The following ADAMTS17 variants were observed in gnomAD, a reference collection of about 807,000 sequenced individuals.
ADAMTS17 encodes ADAM metallopeptidase with thrombospondin type 1 motif 17.
A neutral mutation model predicts 141.5 loss-of-function variants in ADAMTS17; 113 were observed. The observed-to-expected ratio is 0.80, with a 90% CI of 0.69 to 0.93. ADAMTS17 has a LOEUF of 0.93. Among genes scored for constraint, ADAMTS17 ranks in the 40% least tolerant of loss-of-function variants. The pLI is 0.00. For synonymous variants in ADAMTS17, 768 were observed against 630.6 expected (o/e 1.22, Z -3.27); for missense variants, 1,659 against 1,517.9 (o/e 1.09, Z -1.54).
chr15:100,341,277 G>A lies in ADAMTS17; in HGVS notation c.212C>T (p.Ala71Val). Reference protein sequence around the residue: ...RRRRPRTPPAAPRARPGERAL... With the variant: ...RRRRPRTPPAVPRARPGERAL... ...GCGCTCTCCGGGCCGGGCGCGCGGG[G>A]CGGCTGGGGGCGTGCGGGGGCGTCG... Residue 71 changes from alanine (A) to valine (V), a missense_variant, in exon 2 of 22, where the codon GCC becomes GTC. Transcript: ENST00000268070. 2 of 1,177,574 alleles carry A rather than the reference G, an allele frequency of 1.7e-6. No homozygotes were observed. Among genetic ancestry groups the A allele is most frequent in the Non-Finnish European group, 2.1e-6 (2 of 956,966 alleles). The allele number at this position is 1,177,574 out of a possible 1,614,324, so 72.9% of individuals were successfully genotyped here. A position where few individuals can be genotyped will look rare whatever the true frequency, so the allele number is the denominator to read the frequency against.
chr15:100,116,613 C>T (rs904299740), intron 13 of ADAMTS17, among the ~76,000 whole-genome samples: 3 of 152,232 alleles, frequency 2.0e-5, no homozygotes, highest in African/African-American at 7.2e-5. Context: ...TTGCAGGATG[C>T]ACCTGGCCTG....
intron 20 of ADAMTS17, among the ~76,000 whole-genome samples, chr15:99,976,910 G>A (rs115683169): frequency 2.6e-5 from 4 of 152,252 alleles, no homozygotes; most frequent in South Asian, 2.1e-4. Flanking sequence ...TCCACCGCTC[G>A]CCTCTGCTCC....
At chr15:100,327,754 T>C (rs2045939649) in intron 3 of ADAMTS17, among the ~76,000 whole-genome samples, 3 of 152,218 alleles carry the variant, frequency 2.0e-5, no homozygotes, top group Admixed American at 2.0e-4. Context: ...TGGAGTGCTA[T>C]TTTATGGATC....
chr15:99,976,003 C>G (rs1474012990), intron 21 of ADAMTS17, 42 bp downstream of exon 21: 17 of 1,528,892 alleles, frequency 1.1e-5, no homozygotes, highest in East Asian at 2.5e-5. Context: ...GGGCAGGAGA[C>G]ACAGCAGCCC....
At chr15:100,006,649 G>T (rs529504798) in intron 18 of ADAMTS17, among the ~76,000 whole-genome samples, 1 of 152,212 alleles carries the variant, frequency 6.6e-6, no homozygotes, top group East Asian at 1.9e-4. Context: ...TTTGTCCAGG[G>T]GTCCAGTGTT....
chr15:100,216,740 T>C (rs929459659), intron 7 of ADAMTS17, among the ~76,000 whole-genome samples: 1 of 152,240 alleles, frequency 6.6e-6, no homozygotes, highest in African/African-American at 2.4e-5. Context: ...GGTTAGGTCC[T>C]GACGTTCCAG....
intron 12 of ADAMTS17, 115 bp downstream of exon 12, chr15:100,131,892 C>T: frequency 6.6e-7 from 1 of 1,523,764 alleles, no homozygotes. Flanking sequence ...GTTTCATTTT[C>T]CATATCTTCT....
chr15:100,031,582 C>T (rs557777151), intron 18 of ADAMTS17, among the ~76,000 whole-genome samples: 12 of 152,304 alleles, frequency 7.9e-5, no homozygotes, highest in South Asian at 2.1e-4. Context: ...CCTTCATCAA[C>T]GGAGCATCTG....
rs189146273 is a variant in ADAMTS17 at position 99,975,918 on chromosome 15, C to T, written c.3127+127G>A. ...CCTCTTCTACAGAACTGACAAATGT[C>T]AGCCTTATGTGACAAGTGAGGCCCA... On this transcript the variant is annotated intron_variant, in intron 21 of 21. Coordinates refer to ENST00000268070, the MANE Select transcript of ADAMTS17 (RefSeq NM_139057.4). 4.5e-3 allele frequency: 4,786 copies of T among 1,064,124 alleles called. 14 individuals are homozygous for T. The highest frequency in any genetic ancestry group is 5.9e-3 in the Non-Finnish European group (4,397 of 746,346). 65.9% of individuals were successfully genotyped at this position (1,064,124 alleles called of 1,614,324 possible).
At chr15:100,151,237 A>AAGC (rs936247246) in intron 10 of ADAMTS17, among the ~76,000 whole-genome samples, 8 of 152,182 alleles carry the variant, frequency 5.3e-5, no homozygotes, top group African/African-American at 1.9e-4. Context: ...GGCAGGGCAG[A>AAGC]AGCAGCACTA....
intron 3 of ADAMTS17, among the ~76,000 whole-genome samples, chr15:100,291,358 C>A (rs1352836228): frequency 1.3e-5 from 2 of 152,066 alleles, no homozygotes; most frequent in South Asian, 2.1e-4. Flanking sequence ...CAGATGCTGG[C>A]GAGGTTGTAG....
intron 8 of ADAMTS17, among the ~76,000 whole-genome samples, chr15:100,188,479 T>C (rs187912166): frequency 6.6e-4 from 101 of 152,216 alleles, no homozygotes; most frequent in African/African-American, 2.4e-3. Flanking sequence ...TCAGTGTTTC[T>C]GACAGTTTTG....
At chr15:100,202,305 T>C (rs549647278) in intron 7 of ADAMTS17, among the ~76,000 whole-genome samples, 2 of 152,336 alleles carry the variant, frequency 1.3e-5, no homozygotes, top group Admixed American at 6.5e-5. Flanking sequence ...AAGGTGCAGA[T>C]GATTTTTTTT....
At position 100,262,391 on chromosome 15, in the gene ADAMTS17, G is replaced by C; in HGVS notation, c.834C>G (p.Asn278Lys). The C allele has an allele frequency of 6.2e-7, 1 of 1,613,948 alleles. No homozygotes were observed. Among genetic ancestry groups the C allele is most frequent in the Non-Finnish European group, 8.5e-7 (1 of 1,179,950 alleles). ...GCAGGACAAGCTTGGTCACTTGAATGTTAATTTTAATCCCCAGGCTCTGGT... is the reference window on the plus strand; with the variant it reads ...GCAGGACAAGCTTGGTCACTTGAATCTTAATTTTAATCCCCAGGCTCTGGT... Reference protein sequence around the residue: ...FQHQSLGIKINIQVTKLVLLR... With the variant: ...FQHQSLGIKIKIQVTKLVLLR... The change falls in exon 5 of 22, where the codon AAC becomes AAG. Residue 278 changes from asparagine (N) to lysine (K), a missense_variant. Transcript: ENST00000268070.
At chr15:100,065,598 T>A (rs554414041) in intron 15 of ADAMTS17, among the ~76,000 whole-genome samples, 2 of 152,342 alleles carry the variant, frequency 1.3e-5, no homozygotes, top group South Asian at 4.1e-4. Context: ...TGCGGCATAC[T>A]CGTGTAATTC....
intron 8 of ADAMTS17, among the ~76,000 whole-genome samples, chr15:100,181,104 A>T (rs1451267451): frequency 6.6e-6 from 1 of 152,152 alleles, no homozygotes; most frequent in Non-Finnish European, 1.5e-5. Context: ...CCACCACACA[A>T]GGCCCATGGG....
chr15:100,207,938 C>T (rs2041641906), intron 7 of ADAMTS17, among the ~76,000 whole-genome samples: 1 of 152,176 alleles, frequency 6.6e-6, no homozygotes, highest in Non-Finnish European at 1.5e-5. Context: ...AACACTCAAA[C>T]ACAGCCTTGG....
chr15:100,313,053 C>G (rs886589110), intron 3 of ADAMTS17, among the ~76,000 whole-genome samples: 2 of 152,178 alleles, frequency 1.3e-5, no homozygotes, highest in African/African-American at 4.8e-5. Flanking sequence ...CACAAAAAAG[C>G]ATTAATCTGA....
chr15:100,118,741 C>G (rs2037294442), intron 12 of ADAMTS17, among the ~76,000 whole-genome samples: 1 of 152,110 alleles, frequency 6.6e-6, no homozygotes, highest in African/African-American at 2.4e-5. Context: ...GGGCTGGCCC[C>G]CAAAAGCCAC....
Sources: gnomAD v4.1 joint callset for allele counts (sites outside exome capture counted in the v4.1 genomes callset) on GRCh38, gnomAD v4.1.1 for gene constraint, MANE v1.5 for transcripts, NCBI Gene and HGNC (gene_info 2026-07-23, HGNC 2026-07-21) for gene names.